RIMS1: variants seen among roughly 807,000 people sequenced by gnomAD.
The protein encoded by RIMS1 is regulating synaptic membrane exocytosis 1.
Under a neutral mutation model 214.1 loss-of-function variants are expected in RIMS1, and 83 were observed. The ratio of observed to expected loss-of-function variants is 0.39; its 90% CI spans 0.32 to 0.47. RIMS1 has a LOEUF of 0.47. RIMS1 is among the 20% of genes least tolerant of loss of function. The pLI is 0.99. For synonymous variants in RIMS1, 793 were observed against 786.8 expected, an observed-to-expected ratio of 1.01 and a Z score of -0.13; for missense variants, 2,050 against 2,161.8, an observed-to-expected ratio of 0.95 and a Z score of 1.03.
intron 4 of RIMS1, among the ~76,000 whole-genome samples, chr6:72,119,896 A>T (rs1485563114): frequency 6.6e-6 from 1 of 151,614 alleles, no homozygotes; most frequent in Non-Finnish European, 1.5e-5. Flanking sequence ...GAATGAGAAC[A>T]TGTGGTGTTT....
rs187174549 is a variant in RIMS1 at position 72,193,303 on chromosome 6, C to T, written c.1678+10154C>T. Among the ~76,000 whole-genome samples, 324 of 152,266 alleles carry T rather than the reference C, an allele frequency of 2.1e-3. 4 individuals are homozygous for T. Among genetic ancestry groups the T allele is most frequent in the African/African-American group, 7.0e-3 (289 of 41,550 alleles). ...CTCTGAAGTTAGTGTTAAACCTGTG[C>T]ATCTGGGAACACAAGGATACCAGAC... On this transcript the variant is annotated intron_variant, in intron 6 of 33. Coordinates refer to ENST00000521978, the MANE Select transcript of RIMS1 (RefSeq NM_014989.7).
chr6:72,053,319 T>A (rs951383412), intron 2 of RIMS1, among the ~76,000 whole-genome samples: 2 of 152,234 alleles, frequency 1.3e-5, no homozygotes, highest in Non-Finnish European at 2.9e-5. Context: ...CATATTTACG[T>A]TGCCTATTTA....
At chr6:71,936,631 A>G (rs1213742708) in intron 1 of RIMS1, among the ~76,000 whole-genome samples, 2 of 152,334 alleles carry the variant, frequency 1.3e-5, no homozygotes, top group East Asian at 1.9e-4. Flanking sequence ...TTGTGTTTTT[A>G]TGTTGGAATT....
chr6:72,225,044 T>G (rs1339612880), intron 6 of RIMS1, among the ~76,000 whole-genome samples: 2 of 152,146 alleles, frequency 1.3e-5, no homozygotes, highest in Non-Finnish European at 2.9e-5. Context: ...AAAAATAAAG[T>G]CCTTTAATGT....
At chr6:72,076,639 T>G (rs1364518713) in intron 2 of RIMS1, among the ~76,000 whole-genome samples, 1 of 152,218 alleles carries the variant, frequency 6.6e-6, no homozygotes, top group South Asian at 2.1e-4. Flanking sequence ...ATTTATTTAG[T>G]GTTACAGAGC....
chr6:72,037,564 C>T (rs1017572223), intron 2 of RIMS1, among the ~76,000 whole-genome samples: 24 of 151,944 alleles, frequency 1.6e-4, no homozygotes, highest in Middle Eastern at 3.4e-3. Context: ...AAAAACCCTA[C>T]GTATATTTAA....
chr6:72,186,928 C>T (rs1249392608), intron 6 of RIMS1, among the ~76,000 whole-genome samples: 3 of 151,978 alleles, frequency 2.0e-5, no homozygotes, highest in African/African-American at 4.8e-5. Context: ...CTCAGGAGTT[C>T]GAGACCAGCC....
intron 29 of RIMS1, among the ~76,000 whole-genome samples, chr6:72,353,464 T>G (rs2097531959): frequency 6.6e-6 from 1 of 152,210 alleles, no homozygotes; most frequent in Non-Finnish European, 1.5e-5. Flanking sequence ...TTTCCTGGCC[T>G]CTTTTGACTC....
intron 1 of RIMS1, among the ~76,000 whole-genome samples, chr6:71,923,727 G>A (rs1370750541): frequency 6.6e-6 from 1 of 151,958 alleles, no homozygotes; most frequent in African/African-American, 2.4e-5. Context: ...ACCATGCCCA[G>A]CTAATTTTGT....
At chr6:71,992,517 C>G (rs1469214903) in intron 2 of RIMS1, among the ~76,000 whole-genome samples, 4 of 148,218 alleles carry the variant, frequency 2.7e-5, no homozygotes, top group Non-Finnish European at 4.5e-5. Context: ...CCTCCTCCTC[C>G]TCTTCCTCCT....
intron 2 of RIMS1, among the ~76,000 whole-genome samples, chr6:71,985,191 C>G (rs949277667): frequency 1.3e-5 from 2 of 152,036 alleles, no homozygotes; most frequent in African/African-American, 4.8e-5. Context: ...TGAGACTAGC[C>G]TGGGCAACAT....
chr6:72,311,761 A>G (rs1034372832), intron 27 of RIMS1, among the ~76,000 whole-genome samples: 1 of 152,160 alleles, frequency 6.6e-6, no homozygotes, highest in Non-Finnish European at 1.5e-5. Flanking sequence ...GTCTGAGGTC[A>G]GGAGTTTAAG....
chr6:71,932,731 C>T (rs1223129671), intron 1 of RIMS1, among the ~76,000 whole-genome samples: 2 of 152,142 alleles, frequency 1.3e-5, no homozygotes, highest in Non-Finnish European at 2.9e-5. Flanking sequence ...CTCCTTTAGC[C>T]TCCAGAGCAG....
At chr6:72,029,344 A>C (rs1473618982) in intron 2 of RIMS1, among the ~76,000 whole-genome samples, 1 of 152,212 alleles carries the variant, frequency 6.6e-6, no homozygotes, top group East Asian at 1.9e-4. Flanking sequence ...TTATAGTCTG[A>C]ATGTGTCTCC....
intron 6 of RIMS1, among the ~76,000 whole-genome samples, chr6:72,189,793 G>A (rs532829396): frequency 3.3e-5 from 5 of 152,230 alleles, no homozygotes; most frequent in Non-Finnish European, 7.3e-5. Flanking sequence ...CGATGACAGA[G>A]GTGGCTGGGG....
chr6:72,268,461 C>T (rs978692401), intron 22 of RIMS1, among the ~76,000 whole-genome samples: 2 of 152,078 alleles, frequency 1.3e-5, no homozygotes, highest in Admixed American at 6.6e-5. Flanking sequence ...TATGGTCAAA[C>T]GATTTTGATT....
At chr6:71,997,230 A>T (rs1349679575) in intron 2 of RIMS1, among the ~76,000 whole-genome samples, 1 of 152,192 alleles carries the variant, frequency 6.6e-6, no homozygotes, top group Non-Finnish European at 1.5e-5. Flanking sequence ...CCCTAAAATG[A>T]TTAAACCTTG....
At chr6:71,907,713 C>T (rs918389980) in intron 1 of RIMS1, among the ~76,000 whole-genome samples, 17 of 152,078 alleles carry the variant, frequency 1.1e-4, no homozygotes, top group African/African-American at 2.7e-4. Flanking sequence ...TAGCTCACAG[C>T]GTATATACAT....
At chr6:71,899,335 G>T (rs547349563) in intron 1 of RIMS1, among the ~76,000 whole-genome samples, 3 of 151,672 alleles carry the variant, frequency 2.0e-5, no homozygotes, top group East Asian at 1.9e-4. Flanking sequence ...GTTGATTTTT[G>T]CTTACAAAGA....
Sources: gnomAD v4.1 joint callset for allele counts (sites outside exome capture counted in the v4.1 genomes callset) on GRCh38, gnomAD v4.1.1 for gene constraint, MANE v1.5 for transcripts, NCBI Gene and HGNC (gene_info 2026-07-23, HGNC 2026-07-21) for gene names.